The following JAKMIP3 variants were observed in gnomAD, a reference collection of about 807,000 sequenced individuals.
The protein encoded by JAKMIP3 is janus kinase and microtubule-interacting protein 3.
A neutral mutation model predicts 118.5 loss-of-function variants in JAKMIP3; 58 were observed. The ratio of observed to expected loss-of-function variants is 0.49; its 90% confidence interval spans 0.40 to 0.61. The LOEUF is 0.61. Ranked by LOEUF, JAKMIP3 falls within the 20% of genes least tolerant of loss-of-function variation. The probability of loss-of-function intolerance (pLI) is 0.00; values close to 1 mark genes in which losing one functional copy is unlikely to be tolerated. For missense variants in JAKMIP3, 950 were observed against 1,109.0 expected (o/e 0.86, Z 2.04); for synonymous variants, 486 against 451.2 (o/e 1.08, Z -0.98).
intron 2 of JAKMIP3, among the ~76,000 whole-genome samples, chr10:132,110,321 C>T (rs2046668204): frequency 6.6e-6 from 1 of 152,262 alleles, no homozygotes; most frequent in Non-Finnish European, 1.5e-5. Flanking sequence ...CTGCTGGTGC[C>T]TCCAGCAGGG....
chr10:132,038,909 G>C (rs2037614880), intron 1 of JAKMIP3, among the ~76,000 whole-genome samples: 1 of 152,118 alleles, frequency 6.6e-6, no homozygotes, highest in Non-Finnish European at 1.5e-5. Context: ...TACAAGAGCT[G>C]GGCTGCAGGG....
At chr10:132,131,112 G>A (rs2135644849) in intron 3 of JAKMIP3, among the ~76,000 whole-genome samples, 1 of 152,106 alleles carries the variant, frequency 6.6e-6, no homozygotes, top group Non-Finnish European at 1.5e-5. Context: ...CAGTTTCCAG[G>A]CATCCTCTGC....
At chr10:132,181,905 C>G (rs2061528347) in intron 23 of JAKMIP3, among the ~76,000 whole-genome samples, 1 of 152,252 alleles carries the variant, frequency 6.6e-6, no homozygotes. Flanking sequence ...GCCCCAGGGA[C>G]TGATCCGGGG....
chr10:132,119,964 T>C (rs1165252025), intron 3 of JAKMIP3, among the ~76,000 whole-genome samples: 3 of 152,306 alleles, frequency 2.0e-5, no homozygotes, highest in South Asian at 4.1e-4. Context: ...GCAGGAATCA[T>C]GTCCACCTGT....
intron 23 of JAKMIP3, among the ~76,000 whole-genome samples, chr10:132,176,724 T>C (rs2060172838): frequency 6.6e-6 from 1 of 152,118 alleles, no homozygotes; most frequent in South Asian, 2.1e-4. Flanking sequence ...GATTCAGCCA[T>C]GTGCACCCTC....
intron 2 of JAKMIP3, among the ~76,000 whole-genome samples, chr10:132,115,436 A>T (rs1232069260): frequency 6.6e-6 from 1 of 152,086 alleles, no homozygotes; most frequent in Non-Finnish European, 1.5e-5. Context: ...GCCTGGCTGC[A>T]CTCATCTGGG....
At chr10:132,050,926 C>G (rs971496583) in intron 1 of JAKMIP3, among the ~76,000 whole-genome samples, 2 of 149,796 alleles carry the variant, frequency 1.3e-5, no homozygotes, top group Non-Finnish European at 2.9e-5. Flanking sequence ...TTGTTAATTC[C>G]AGCCGTTCTG....
chr10:132,038,707 G>C (rs148798598), intron 1 of JAKMIP3, among the ~76,000 whole-genome samples: 2,033 of 149,938 alleles, frequency 0.014, 51 homozygotes, highest in African/African-American at 0.047. Flanking sequence ...CAGGAGAATT[G>C]CTTGAACCCA....
At chr10:132,134,295 A>C (rs1158966881) in intron 4 of JAKMIP3, among the ~76,000 whole-genome samples, 4 of 152,166 alleles carry the variant, frequency 2.6e-5, no homozygotes, top group African/African-American at 9.7e-5. Flanking sequence ...TTTGAGGATA[A>C]AACTGTGTGT....
intron 1 of JAKMIP3, among the ~76,000 whole-genome samples, chr10:132,074,925 T>G (rs1236954217): frequency 6.6e-6 from 1 of 152,222 alleles, no homozygotes. Flanking sequence ...CACCATTTAT[T>G]GAAAAGGGTG....
chr10:132,147,810 G>A, intron 13 of JAKMIP3, 142 bp from the exon 14 acceptor site: 3 of 594,842 alleles, frequency 5.0e-6, no homozygotes, highest in East Asian at 2.9e-5. Flanking sequence ...ACCGAGGGCT[G>A]TGAGGCGCTT....
chr10:132,133,533 C>T lies in JAKMIP3; in HGVS notation c.849+6C>T. The T allele has an allele frequency of 6.4e-7, 1 of 1,556,206 alleles. No homozygotes were observed. The highest frequency in any genetic ancestry group is 8.7e-7 in the Non-Finnish European group (1 of 1,151,046). On this transcript the variant is annotated splice_donor_region_variant and intron_variant, in intron 4 of 23. Coordinates refer to ENST00000684848, the MANE Select transcript of JAKMIP3 (RefSeq NM_001323087.2). ...CAGACCACTCGGGAAGCCCTGTAAGCACCTCCCAGGCCCACCGGCCCACCC... is the reference window on the plus strand; with the variant it reads ...CAGACCACTCGGGAAGCCCTGTAAGTACCTCCCAGGCCCACCGGCCCACCC...
chr10:132,173,677 G>T (rs2059846555), intron 23 of JAKMIP3, among the ~76,000 whole-genome samples: 2 of 151,912 alleles, frequency 1.3e-5, no homozygotes, highest in South Asian at 4.2e-4. Flanking sequence ...ACTATGGTAT[G>T]CTTGTGGTGG....
At chr10:132,152,625 C>A (rs953071879) in intron 16 of JAKMIP3, among the ~76,000 whole-genome samples, 3 of 152,184 alleles carry the variant, frequency 2.0e-5, no homozygotes, top group Non-Finnish European at 4.4e-5. Context: ...AGAGGCTGGG[C>A]AGAGCAGCAG....
rs753886132 is a variant in JAKMIP3 at position 132,133,455 on chromosome 10, C to T, written c.777C>T (p.His259=). 1.9e-6 allele frequency: 3 copies of T among 1,585,814 alleles called. No individual in the cohort carries two copies. Among genetic ancestry groups the T allele is most frequent in the East Asian group, 4.6e-5 (2 of 43,330 alleles). The part of the protein sequence containing the change: ...QLSQVREADR[H]PGSPRRELPH... Reference sequence around the variant, plus strand: ...CCCAGGTCCGAGAGGCCGACCGGCACCCGGGCAGCCCCAGACGGGAACTTC... The same window carrying T: ...CCCAGGTCCGAGAGGCCGACCGGCATCCGGGCAGCCCCAGACGGGAACTTC... The change falls in exon 4 of 24, where the codon CAC becomes CAT. Residue 259 remains histidine, a synonymous_variant. Transcript: ENST00000684848.
intron 1 of JAKMIP3, among the ~76,000 whole-genome samples, chr10:132,089,345 G>T (rs1460344365): frequency 6.6e-6 from 1 of 152,190 alleles, no homozygotes; most frequent in Non-Finnish European, 1.5e-5. Flanking sequence ...CATGAGCATG[G>T]AATGTTTTTC....
At chr10:132,048,635 C>G (rs2038002589) in intron 1 of JAKMIP3, among the ~76,000 whole-genome samples, 1 of 150,848 alleles carries the variant, frequency 6.6e-6, no homozygotes, top group Non-Finnish European at 1.5e-5. Context: ...TTTCTGGAAC[C>G]ATCAGAAATT....
At chr10:132,177,733 G>GTC (rs2060296798) in intron 23 of JAKMIP3, among the ~76,000 whole-genome samples, 1 of 147,928 alleles carries the variant, frequency 6.8e-6, no homozygotes, top group African/African-American at 2.5e-5. Flanking sequence ...TAGTGTGTGT[G>GTC]TGTGCACACT....
In JAKMIP3 at chr10:132,117,309, T is replaced by C. The variant is rs987535619; in HGVS notation, c.368T>C (p.Leu123Pro). Reference sequence around the variant, plus strand: ...CGGCTGCAGGCACTGCTCAGTGCCCTGCGTGATGGCGGCCCCGAAAAGGTC... The same window carrying C: ...CGGCTGCAGGCACTGCTCAGTGCCCCGCGTGATGGCGGCCCCGAAAAGGTC... ...NQRLQALLSA[L>P]RDGGPEKVKT... Residue 123 changes from leucine to proline, a missense_variant, in exon 3 of 24, where the codon CTG (leucine) becomes CCG (proline). Leu to Pro is a moderately conservative substitution (Grantham distance 98). Coordinates refer to ENST00000684848, the MANE Select transcript of JAKMIP3 (RefSeq NM_001323087.2). The surrounding 1 kb of genome is among the most constrained non-coding windows in gnomAD (Gnocchi z 8.6). The C allele has an allele frequency of 7.4e-6, 12 of 1,613,780 alleles. No homozygotes were observed. The highest frequency in any genetic ancestry group is 1.6e-4 in the Middle Eastern group (1 of 6,084).
Sources: gnomAD v4.1 joint callset for allele counts (sites outside exome capture counted in the v4.1 genomes callset) on GRCh38, gnomAD v4.1.1 for gene constraint, Gnocchi (gnomAD v3.1) non-coding constraint, MANE v1.5 for transcripts, NCBI Gene and HGNC (gene_info 2026-07-23, HGNC 2026-07-21) for gene names.